Variants in CSMD2 observed in about 807,000 individuals in gnomAD.
CSMD2 encodes CUB and Sushi multiple domains 2.
A neutral mutation model predicts 398.5 loss-of-function variants in CSMD2; 130 were observed. The ratio of observed to expected loss-of-function variants is 0.33; its 90% CI spans 0.28 to 0.38. The LOEUF (loss-of-function observed/expected upper bound fraction) is 0.38. Ranked by LOEUF, CSMD2 falls within the 10% of genes least tolerant of loss-of-function variation. CSMD2 has a pLI of 1.00. For synonymous variants in CSMD2, 1,828 were observed against 1,908.5 expected, an observed-to-expected ratio of 0.96 and a Z score of 1.10; for missense variants, 3,829 against 4,764.9, an observed-to-expected ratio of 0.80 and a Z score of 5.78.
At chr1:34,120,205 A>G (rs961883186) in intron 1 of CSMD2, among the ~76,000 whole-genome samples, 3 of 152,250 alleles carry the variant, frequency 2.0e-5, no homozygotes, top group Admixed American at 6.5e-5. Flanking sequence ...ATAAGTCACA[A>G]AAAGATATTA....
At chr1:33,848,469 G>C (rs1011619853) in intron 5 of CSMD2, among the ~76,000 whole-genome samples, 4 of 152,294 alleles carry the variant, frequency 2.6e-5, no homozygotes, top group East Asian at 1.9e-4. Flanking sequence ...GAGAGCAAGA[G>C]AGCATACTGA....
intron 13 of CSMD2, among the ~76,000 whole-genome samples, chr1:33,764,541 G>A (rs1440704988): frequency 1.3e-5 from 2 of 152,304 alleles, no homozygotes; most frequent in South Asian, 2.1e-4. Flanking sequence ...GGAGACCTGG[G>A]ACTTCCTAAG....
chr1:33,525,127 C>T, intron 65 of CSMD2, 84 bp from the exon 66 acceptor site: 3 of 1,390,672 alleles, frequency 2.2e-6, no homozygotes, highest in Non-Finnish European at 1.0e-6. Context: ...TCCCAGCCCA[C>T]TCACTGGGAT....
chr1:33,686,139 T>C (rs559873721), intron 25 of CSMD2, among the ~76,000 whole-genome samples: 1 of 152,354 alleles, frequency 6.6e-6, no homozygotes, highest in Admixed American at 6.5e-5. Context: ...CCTGGTGTGC[T>C]ATAGGTATTT....
At chr1:33,989,614 T>A (rs1646480630) in intron 3 of CSMD2, among the ~76,000 whole-genome samples, 2 of 152,154 alleles carry the variant, frequency 1.3e-5, no homozygotes, top group African/African-American at 4.8e-5. Flanking sequence ...AAAGAAATTA[T>A]GGTATATTAA....
In CSMD2 at chr1:34,017,747, T is replaced by G. The variant is rs551234058; in HGVS notation, c.517+14847A>C. On this transcript the variant is annotated intron_variant, in intron 3 of 70. Transcript: ENST00000373381. The stretch of plus-strand genomic sequence containing the variant: ...CTGGGTGACAGAGTAAGGCCTTATC[T>G]CCGTAAAACAAAACAAAACACCTTG... Among the ~76,000 whole-genome samples, 19 of 152,316 alleles carry G rather than the reference T, an allele frequency of 1.2e-4. No individual in the cohort carries two copies. The South Asian group carries it at 3.9e-3, about 32-fold the overall frequency.
intron 1 of CSMD2, among the ~76,000 whole-genome samples, chr1:34,115,145 T>C (rs530848771): frequency 5.9e-5 from 9 of 151,912 alleles, no homozygotes; most frequent in African/African-American, 1.9e-4. Flanking sequence ...ATGAAAGTCT[T>C]AGAAGGAGAA....
chr1:33,969,746 T>A (rs1226205791), intron 3 of CSMD2, among the ~76,000 whole-genome samples: 1 of 151,922 alleles, frequency 6.6e-6, no homozygotes, highest in African/African-American at 2.4e-5. Context: ...GATGAATGAA[T>A]GAATGAGTGA....
chr1:34,140,786 C>A lies in CSMD2; in HGVS notation c.187+24125G>T, dbSNP rs181772385. On this transcript the variant is annotated intron_variant, in intron 1 of 70. Transcript: ENST00000373381. ...AGAGAACAACACTTTTCTCTGAGGT[C>A]CTAAGCAAAGATTTCATACCCTCCT... is the stretch of plus-strand genomic sequence containing the variant. 3.9e-3 allele frequency among the ~76,000 whole-genome samples: 596 copies of A among 152,258 alleles called. 2 individuals are homozygous for A. The highest frequency in any genetic ancestry group is 0.029 in the South Asian group (141 of 4,826).
At chr1:34,151,742 G>C (rs1640339163) in intron 1 of CSMD2, among the ~76,000 whole-genome samples, 1 of 151,910 alleles carries the variant, frequency 6.6e-6, no homozygotes. Context: ...AGCCCAAGTA[G>C]GTAGACTTTC....
chr1:33,816,108 T>C (rs1657435349), intron 9 of CSMD2, among the ~76,000 whole-genome samples: 1 of 152,206 alleles, frequency 6.6e-6, no homozygotes, highest in Non-Finnish European at 1.5e-5. Flanking sequence ...TTTCAGTGAT[T>C]TTCCCTGTGC....
Position 33,892,477 on chromosome 1 carries a change from A to G in CSMD2, c.920+25617T>C, listed in dbSNP as rs575700955. ...TCTTTTACCCCTCAACCCCCTCTCA[A>G]TCTTCTCCTCCAAGTCCCCAAAGTC... On this transcript the variant is annotated intron_variant, in intron 5 of 70. Coordinates refer to ENST00000373381, the MANE Select transcript of CSMD2 (RefSeq NM_001281956.2). Among the ~76,000 whole-genome samples the G allele has an allele frequency of 7.9e-5, 12 of 152,020 alleles. No individual in the cohort carries two copies. In the East Asian group the frequency reaches 1.9e-3, roughly 25 times the overall value.
rs376360108 is a variant in CSMD2 at position 34,080,617 on chromosome 1, G to A, written c.404+8360C>T. On this transcript the variant is annotated intron_variant, in intron 2 of 70. Transcript: ENST00000373381. ...CTAGAGTCAAAGAAAGAACAAAATT[G>A]CAATTAGAAACTCTTTCTAAAATAA... 4.3e-4 allele frequency among the ~76,000 whole-genome samples: 65 copies of A among 152,058 alleles called. 1 individual carries two copies. The South Asian group carries it at 0.013, about 30-fold the overall frequency.
chr1:33,832,878 C>T lies in CSMD2; in HGVS notation c.1034-7104G>A, dbSNP rs868151415. 1.4e-4 allele frequency among the ~76,000 whole-genome samples: 21 copies of T among 152,258 alleles called. No individual in the cohort carries two copies. In the East Asian group the frequency reaches 1.9e-3, roughly 14 times the overall value. Reference sequence around the variant, plus strand: ...TCAGAGAATACTACAAACATTTCTACGCAAATAAACTAGAAAATCTAGAAG... The same window carrying T: ...TCAGAGAATACTACAAACATTTCTATGCAAATAAACTAGAAAATCTAGAAG... On this transcript the variant is annotated intron_variant, in intron 6 of 70. Transcript: ENST00000373381.
At chr1:33,707,539 G>T (rs1189873034) in intron 22 of CSMD2, among the ~76,000 whole-genome samples, 3 of 152,208 alleles carry the variant, frequency 2.0e-5, no homozygotes, top group African/African-American at 7.2e-5. Context: ...GGGTTGGAAA[G>T]CAGAGCTTAA....
intron 2 of CSMD2, among the ~76,000 whole-genome samples, chr1:34,048,535 G>A (rs1652808638): frequency 6.6e-6 from 1 of 152,216 alleles, no homozygotes; most frequent in African/African-American, 2.4e-5. Context: ...CCAACCTGGG[G>A]AAGGAGCAGG....
intron 3 of CSMD2, among the ~76,000 whole-genome samples, chr1:33,972,795 T>A (rs1404548637): frequency 6.6e-6 from 1 of 152,198 alleles, no homozygotes; most frequent in Non-Finnish European, 1.5e-5. Flanking sequence ...TAAACCATCA[T>A]GCTTGTAGAG....
rs889457400 is a variant in CSMD2 at position 33,708,971 on chromosome 1, T to C, written c.3576+118A>G. 57 of 871,054 alleles carry C rather than the reference T, an allele frequency of 6.5e-5. 1 individual carries two copies. The African/African-American group carries it at 9.1e-4, about 14-fold the overall frequency. The allele number at this position is 871,054 out of a possible 1,614,324, so 54.0% of individuals were successfully genotyped here. ...TTCTCCCAGATGAGTGAGGACAGTA[T>C]TTTGGGACTCAGGAAGGAAGGAGAA... On this transcript the variant is annotated intron_variant, in intron 22 of 70. Transcript: ENST00000373381.
intron 41 of CSMD2, chr1:33,605,716 A>G (rs1057271700): frequency 5.2e-6 from 4 of 763,402 alleles, no homozygotes; most frequent in Non-Finnish European, 8.6e-6. Context: ...CACATGGTGA[A>G]AGCTCAGTAA....
Sources: gnomAD v4.1 joint callset for allele counts (sites outside exome capture counted in the v4.1 genomes callset) on GRCh38, gnomAD v4.1.1 for gene constraint, MANE v1.5 for transcripts, NCBI Gene and HGNC (gene_info 2026-07-23, HGNC 2026-07-21) for gene names.